CDKL3: variants seen among roughly 807,000 people sequenced by gnomAD.
CDKL3 encodes the protein cyclin dependent kinase like 3, also known as cyclin-dependent kinase-like 3.
In CDKL3, 65 loss-of-function variants were observed where a neutral mutation model predicts 69.3. That is an observed-to-expected ratio of 0.94 (90% CI 0.77 to 1.15). The LOEUF (loss-of-function observed/expected upper bound fraction) is 1.15. Among genes scored for constraint, CDKL3 ranks in the 50% most tolerant of loss-of-function variants. CDKL3 has a pLI of 0.00. For missense variants in CDKL3, 652 were observed against 689.2 expected (o/e 0.95, Z 0.61); for synonymous variants, 202 against 221.6 (o/e 0.91, Z 0.79).
intron 4 of CDKL3, among the ~76,000 whole-genome samples, chr5:134,339,083 G>A (rs1245146527): frequency 2.0e-5 from 3 of 151,504 alleles, no homozygotes; most frequent in African/African-American, 7.3e-5. Flanking sequence ...TGAACCCGGA[G>A]GCAGAAGTTG....
chr5:134,322,377 G>A (rs1039356562), intron 4 of CDKL3, among the ~76,000 whole-genome samples: 2 of 152,146 alleles, frequency 1.3e-5, no homozygotes, highest in African/African-American at 4.8e-5. Context: ...CTATATTGGT[G>A]AGGCTATAGG....
At chr5:134,367,397 T>C, upstream of CDKL3, 1 of 905,672 alleles carries the variant, frequency 1.1e-6, no homozygotes, top group Non-Finnish European at 1.3e-6. Context: ...TTTTTTGAGA[T>C]AGTCTAGCTC....
At chr5:134,313,717 G>GT (rs959396862) in intron 6 of CDKL3, among the ~76,000 whole-genome samples, 2 of 151,250 alleles carry the variant, frequency 1.3e-5, no homozygotes, top group African/African-American at 4.9e-5. Context: ...TAATAATTTT[G>GT]TAAGAAGGTA....
intron 3 of CDKL3, among the ~76,000 whole-genome samples, chr5:134,352,271 C>T (rs924739182): frequency 1.3e-5 from 2 of 151,532 alleles, no homozygotes; most frequent in African/African-American, 4.9e-5. Context: ...ATTTCCTTTA[C>T]GCATTCATCC....
chr5:134,364,543 G>C (rs1756912539), intron 2 of CDKL3, among the ~76,000 whole-genome samples: 1 of 151,258 alleles, frequency 6.6e-6, no homozygotes, highest in Non-Finnish European at 1.5e-5. Flanking sequence ...ACAAGGTGTT[G>C]CTCTGTTGCC....
chr5:134,306,975 G>A (rs1328226371), intron 9 of CDKL3, among the ~76,000 whole-genome samples: 2 of 151,892 alleles, frequency 1.3e-5, no homozygotes, highest in East Asian at 1.9e-4. Flanking sequence ...GGCTGGTCTC[G>A]AACTCCTGAG....
intron 6 of CDKL3, among the ~76,000 whole-genome samples, chr5:134,315,978 G>A (rs1026612292): frequency 6.6e-6 from 1 of 152,094 alleles, no homozygotes; most frequent in South Asian, 2.1e-4. Flanking sequence ...TTAAGACAGG[G>A]TCTCACTCTG....
chr5:134,349,111 T>C (rs1752631984), intron 4 of CDKL3, among the ~76,000 whole-genome samples: 1 of 152,218 alleles, frequency 6.6e-6, no homozygotes, highest in African/African-American at 2.4e-5. Flanking sequence ...AGAATGCTAA[T>C]AGTAGCAACT....
At chr5:134,310,669 T>C (rs190047223) in intron 7 of CDKL3, among the ~76,000 whole-genome samples, 134 of 152,102 alleles carry the variant, frequency 8.8e-4, no homozygotes, top group Non-Finnish European at 1.6e-3. Context: ...GCATTTTCAG[T>C]AGAGATGGGG....
At chr5:134,363,750 C>T (rs1190299906) in intron 2 of CDKL3, among the ~76,000 whole-genome samples, 2 of 151,840 alleles carry the variant, frequency 1.3e-5, no homozygotes, top group African/African-American at 2.4e-5. Context: ...CGTGAACCAC[C>T]GCGCCCAGCG....
intron 4 of CDKL3, among the ~76,000 whole-genome samples, chr5:134,322,777 C>T (rs538342405): frequency 3.6e-4 from 55 of 152,130 alleles, no homozygotes; most frequent in African/African-American, 1.3e-3. Context: ...GTCAGGAGTT[C>T]GAGACAAGCC....
chr5:134,287,305 G>A (rs1261575849), intron 8 of CDKL3, among the ~76,000 whole-genome samples: 5 of 152,180 alleles, frequency 3.3e-5, no homozygotes, highest in Admixed American at 3.3e-4. Flanking sequence ...GGTGAAAACA[G>A]AACCCTGACT....
intron 9 of CDKL3, among the ~76,000 whole-genome samples, chr5:134,307,719 C>T (rs1768259159): frequency 6.6e-6 from 1 of 152,168 alleles, no homozygotes; most frequent in East Asian, 1.9e-4. Context: ...AATATTTCAC[C>T]TTGAAAGGCT....
At chr5:134,361,131 T>A (rs1755902849) in intron 2 of CDKL3, among the ~76,000 whole-genome samples, 2 of 152,244 alleles carry the variant, frequency 1.3e-5, no homozygotes, top group Non-Finnish European at 2.9e-5. Flanking sequence ...GATTTAATAT[T>A]GTATGCTACT....
intron 4 of CDKL3, among the ~76,000 whole-genome samples, chr5:134,346,362 T>A (rs1202343143): frequency 3.3e-5 from 5 of 152,180 alleles, no homozygotes; most frequent in Non-Finnish European, 7.4e-5. Flanking sequence ...TCTCCCTGGG[T>A]CTTTGGGTTT....
intron 4 of CDKL3, among the ~76,000 whole-genome samples, chr5:134,337,793 T>C (rs1777481285): frequency 6.6e-6 from 1 of 152,232 alleles, no homozygotes; most frequent in African/African-American, 2.4e-5. Context: ...TTGATGCTTG[T>C]TCTTGCTTCA....
Position 134,308,706 on chromosome 5 carries a change from A to G in CDKL3, c.903T>C (p.Ala301=), listed in dbSNP as rs764719025. Residue 301 remains alanine, a synonymous_variant, in exon 8 of 13, where the codon GCT becomes GCC. Coordinates refer to ENST00000265334, the MANE Select transcript of CDKL3 (RefSeq NM_001113575.2). ...TGACTTTTGCTTCCTGCAGTAATTTAGCTTTCAGTTCTGGCATGAATCTGA... is the reference window on the plus strand; with the variant it reads ...TGACTTTTGCTTCCTGCAGTAATTTGGCTTTCAGTTCTGGCATGAATCTGA... ...FIEKFMPELK[A]KLLQEAKVNS... is the part of the protein sequence containing the mutation. 6.3e-7 allele frequency: 1 copy of G among 1,598,012 alleles called. No homozygotes were observed. The highest frequency in any genetic ancestry group is 1.1e-5 in the South Asian group (1 of 87,432).
chr5:134,285,902 T>A (rs1163783560), downstream of CDKL3, among the ~76,000 whole-genome samples: 3 of 152,160 alleles, frequency 2.0e-5, no homozygotes, highest in African/African-American at 7.2e-5. Context: ...GGCATGTGGA[T>A]CACGAGGTCA....
chr5:134,366,878 G>A, intron 1 of CDKL3, 99 bp downstream of exon 1: 1 of 1,002,376 alleles, frequency 1.0e-6, no homozygotes, highest in African/African-American at 1.7e-5. Context: ...CAAATAATAG[G>A]TTCCCGCACT....
Sources: allele counts gnomAD v4.1 joint callset (sites outside exome capture counted in the v4.1 genomes callset), GRCh38; gene constraint gnomAD v4.1.1; transcripts MANE v1.5; gene names NCBI Gene and HGNC (gene_info 2026-07-23, HGNC 2026-07-21).